Variants in SSH2 observed in about 807,000 individuals in gnomAD.
SSH2 encodes the protein slingshot protein phosphatase 2.
In SSH2, 37 loss-of-function variants were observed where a neutral mutation model predicts 135.2. The observed-to-expected ratio is 0.27, with a 90% CI of 0.21 to 0.36. The LOEUF (loss-of-function observed/expected upper bound fraction) is 0.36, where lower values mean the gene tolerates loss of function less well. Among genes scored for constraint, SSH2 ranks in the 10% least tolerant of loss-of-function variants. The pLI, the probability that SSH2 is intolerant of heterozygous loss-of-function variation, is 1.00. For synonymous variants in SSH2, 628 were observed against 646.2 expected (o/e 0.97, Z 0.43); for missense variants, 1,408 against 1,765.3 (o/e 0.80, Z 3.63).
chr17:29,667,139 T>A lies in SSH2; in HGVS notation c.894A>T (p.Thr298=), dbSNP rs762066051. The change falls in exon 10 of 16, where the codon ACA becomes ACT. Residue 298 remains threonine, a synonymous_variant. Transcript: ENST00000540801. ...IMMQKDLENI[T]SKEIRTELEM... is the part of the protein sequence containing the mutation. ...ACTCAAGGTCTCTTACCTCTTTGGA[T>A]GTAATATTCTCCAAATCCTTCTGCA... 2 of 1,611,618 alleles carry A rather than the reference T, an allele frequency of 1.2e-6. No individual in the cohort carries two copies. The highest frequency in any genetic ancestry group is 1.7e-6 in the Non-Finnish European group (2 of 1,178,176).
At chr17:29,928,062 T>C (rs968574322) in intron 1 of SSH2, among the ~76,000 whole-genome samples, 2 of 152,218 alleles carry the variant, frequency 1.3e-5, no homozygotes, top group Admixed American at 6.5e-5. Context: ...ACATATATTA[T>C]CATAGCATAA....
chr17:29,797,494 G>A (rs765856701), intron 2 of SSH2, among the ~76,000 whole-genome samples: 10 of 152,148 alleles, frequency 6.6e-5, no homozygotes, highest in Non-Finnish European at 1.3e-4. Flanking sequence ...TAAAATAGCA[G>A]TTCATTCCTT....
chr17:29,772,974 T>C (rs2041618702), intron 3 of SSH2, among the ~76,000 whole-genome samples: 1 of 152,046 alleles, frequency 6.6e-6, no homozygotes, highest in Admixed American at 6.6e-5. Flanking sequence ...TGGCCAGTCA[T>C]GGGACTTCTC....
chr17:29,866,176 T>C (rs1001508440), intron 1 of SSH2: 2 of 151,122 alleles, frequency 1.3e-5, no homozygotes, highest in African/African-American at 4.9e-5. Flanking sequence ...TTGAAACCAG[T>C]TTAGAAAAAT....
At chr17:29,833,598 A>G (rs2042885698) in intron 2 of SSH2, among the ~76,000 whole-genome samples, 1 of 152,032 alleles carries the variant, frequency 6.6e-6, no homozygotes, top group African/African-American at 2.4e-5. Context: ...AATATTGATA[A>G]GTAAGGACTT....
At chr17:29,731,471 T>C (rs2040196629) in intron 3 of SSH2, among the ~76,000 whole-genome samples, 1 of 137,038 alleles carries the variant, frequency 7.3e-6, no homozygotes, top group African/African-American at 2.7e-5. Flanking sequence ...ATTTATTTAT[T>C]TTGAGATGGA....
At position 29,631,270 on chromosome 17, in the gene SSH2, A is replaced by G; in HGVS notation, c.3924T>C (p.Cys1308=). Residue 1308 remains cysteine, a synonymous_variant, in exon 16 of 16, where the codon TGT becomes TGC. Transcript: ENST00000540801. ...GAAGCAGTTTGAGATGAGGGGATTC[A>G]CAGGAGGCAGGCTCCCTCTCTGGTA... The part of the protein sequence containing the change: ...DCLPEREPAS[C]ESPHLKLLQP... 2 of 1,614,084 alleles carry G rather than the reference A, an allele frequency of 1.2e-6. No homozygotes were observed. Among genetic ancestry groups the G allele is most frequent in the South Asian group, 1.1e-5 (1 of 91,082 alleles).
intron 2 of SSH2, among the ~76,000 whole-genome samples, chr17:29,807,579 T>C (rs1468322671): frequency 1.3e-5 from 2 of 152,178 alleles, no homozygotes; most frequent in Non-Finnish European, 2.9e-5. Flanking sequence ...ATATACAGTA[T>C]AAATGTATGG....
At chr17:29,668,937 T>C (rs535707197) in intron 9 of SSH2, among the ~76,000 whole-genome samples, 1 of 152,112 alleles carries the variant, frequency 6.6e-6, no homozygotes, top group African/African-American at 2.4e-5. Context: ...CCTGAGCCTC[T>C]GTTTCCTTTT....
At chr17:29,866,579 G>T (rs1188529718) in intron 1 of SSH2, among the ~76,000 whole-genome samples, 1 of 152,078 alleles carries the variant, frequency 6.6e-6, no homozygotes, top group Non-Finnish European at 1.5e-5. Context: ...CCCATGAAAA[G>T]AACAATGAGA....
intron 14 of SSH2, among the ~76,000 whole-genome samples, chr17:29,647,106 C>CA (rs2036402200): frequency 6.6e-6 from 1 of 151,396 alleles, no homozygotes; most frequent in African/African-American, 2.4e-5. Flanking sequence ...ACTAAAAATA[C>CA]AAAAAATTAG....
intron 5 of SSH2, among the ~76,000 whole-genome samples, chr17:29,688,192 G>A (rs1325968606): frequency 6.6e-6 from 1 of 151,958 alleles, no homozygotes; most frequent in Admixed American, 6.6e-5. Flanking sequence ...TGTGTTTTTA[G>A]TAGAGATGGG....
At chr17:29,903,430 G>T (rs1599168944) in intron 1 of SSH2, among the ~76,000 whole-genome samples, 2 of 148,432 alleles carry the variant, frequency 1.3e-5, no homozygotes, top group Admixed American at 6.7e-5. Context: ...TATCTGCTTG[G>T]AAACTGTGTT....
intron 1 of SSH2, among the ~76,000 whole-genome samples, chr17:29,887,987 A>G (rs1404330390): frequency 1.3e-5 from 2 of 152,158 alleles, no homozygotes; most frequent in African/African-American, 4.8e-5. Context: ...CTGCAATCCC[A>G]GCACTTTGGG....
At chr17:29,694,770 T>C (rs2038653520) in intron 5 of SSH2, among the ~76,000 whole-genome samples, 1 of 152,130 alleles carries the variant, frequency 6.6e-6, no homozygotes, top group African/African-American at 2.4e-5. Context: ...CCAAACAAAA[T>C]GTATCTCTGG....
chr17:29,646,527 T>A (rs1277414588), intron 14 of SSH2, among the ~76,000 whole-genome samples: 1 of 152,050 alleles, frequency 6.6e-6, no homozygotes, highest in African/African-American at 2.4e-5. Flanking sequence ...TGAGACAGAG[T>A]CTCACTCTGT....
chr17:29,862,527 G>C (rs1165596174), intron 1 of SSH2, among the ~76,000 whole-genome samples: 1 of 152,124 alleles, frequency 6.6e-6, no homozygotes, highest in East Asian at 1.9e-4. Context: ...TTCCTTAATA[G>C]TAATAGTAGC....
chr17:29,636,842 G>GTAAAGATAATC, intron 14 of SSH2, 40 bp from the exon 15 acceptor site: 2 of 1,408,468 alleles, frequency 1.4e-6, no homozygotes, highest in Non-Finnish European at 1.9e-6. Flanking sequence ...AATCTGGTTT[G>GTAAAGATAATC]TAAAGATAAT....
At chr17:29,898,461 C>T (rs1057225305) in intron 1 of SSH2, among the ~76,000 whole-genome samples, 7 of 152,074 alleles carry the variant, frequency 4.6e-5, no homozygotes, top group Non-Finnish European at 1.0e-4. Flanking sequence ...ACCACCGATC[C>T]CACAGAAATA....
Sources: allele counts gnomAD v4.1 joint callset (sites outside exome capture counted in the v4.1 genomes callset), GRCh38; gene constraint gnomAD v4.1.1; transcripts MANE v1.5; gene names NCBI Gene and HGNC (gene_info 2026-07-23, HGNC 2026-07-21).